The following TTC6 variants were observed in gnomAD, a reference collection of about 807,000 sequenced individuals.
TTC6 encodes the protein tetratricopeptide repeat domain 6.
Under a neutral mutation model 210.4 loss-of-function variants are expected in TTC6, and 172 were observed. That is an observed-to-expected ratio of 0.82 (90% confidence interval 0.72 to 0.93). TTC6 has a LOEUF of 0.93. TTC6 is among the 40% of genes least tolerant of loss of function. TTC6 has a pLI of 0.00. For missense variants in TTC6, 2,414 were observed against 2,318.1 expected (o/e 1.04, Z -0.85); for synonymous variants, 804 against 819.6 (o/e 0.98, Z 0.32).
intron 1 of TTC6, among the ~76,000 whole-genome samples, chr14:37,647,647 G>T (rs947131134): frequency 6.6e-6 from 1 of 152,090 alleles, no homozygotes; most frequent in African/African-American, 2.4e-5. Flanking sequence ...TATCAAATAT[G>T]CAGTCAGTTA....
rs1398082256 is a variant in TTC6, at chr14:37,658,583, G to A, written c.940-21568G>A. ...ACAGTGGAGACTTGGCAGGGTGAGAGGGTTGGCAGGAAATGGAGGATAAGA... is the reference window on the plus strand; with the variant it reads ...ACAGTGGAGACTTGGCAGGGTGAGAAGGTTGGCAGGAAATGGAGGATAAGA... On this transcript the variant is annotated intron_variant, in intron 1 of 30. Coordinates refer to ENST00000553443, the Ensembl canonical transcript of TTC6. Among the ~76,000 whole-genome samples the A allele has an allele frequency of 2.6e-5, 4 of 152,140 alleles. No individual in the cohort carries two copies. The South Asian group carries it at 8.3e-4, about 31-fold the overall frequency.
chr14:37,686,946 C>A (rs1190967333), intron 3 of TTC6, among the ~76,000 whole-genome samples: 1 of 152,096 alleles, frequency 6.6e-6, no homozygotes, highest in Non-Finnish European at 1.5e-5. Context: ...AAAAATTCTA[C>A]TGGTAAGATT....
exon 1 of TTC6, chr14:37,622,571 C>G (rs535345751): frequency 1.3e-6 from 2 of 1,534,092 alleles, no homozygotes; most frequent in African/African-American, 1.4e-5. Flanking sequence ...TCTTGGAGAG[C>G]TCGCGGCACG....
At chr14:37,785,263 C>G (rs1334892146) in intron 14 of TTC6, among the ~76,000 whole-genome samples, 1 of 152,186 alleles carries the variant, frequency 6.6e-6, no homozygotes, top group Admixed American at 6.5e-5. Context: ...GTACACCAAT[C>G]AGACATAGAT....
At chr14:37,631,847 T>C (rs2095670537) in intron 1 of TTC6, among the ~76,000 whole-genome samples, 2 of 152,220 alleles carry the variant, frequency 1.3e-5, no homozygotes, top group African/African-American at 4.8e-5. Flanking sequence ...GTCTTCACGC[T>C]TTATTTCATT....
chr14:37,768,193 G>T (rs1057153434), intron 14 of TTC6, among the ~76,000 whole-genome samples: 42 of 150,718 alleles, frequency 2.8e-4, no homozygotes, highest in Middle Eastern at 6.9e-3. Flanking sequence ...ATGCTGTTTT[G>T]GTTACTGTAG....
intron 3 of TTC6, among the ~76,000 whole-genome samples, chr14:37,686,202 A>G (rs906783247): frequency 6.6e-6 from 1 of 152,106 alleles, no homozygotes; most frequent in African/African-American, 2.4e-5. Context: ...ATATGTCTGT[A>G]TTGTAAAATG....
intron 2 of TTC6, among the ~76,000 whole-genome samples, chr14:37,615,350 T>C (rs2095641003): frequency 6.6e-6 from 1 of 152,090 alleles, no homozygotes; most frequent in South Asian, 2.1e-4. Flanking sequence ...TTGAGACAGA[T>C]TCTCTCTTTG....
intron 1 of TTC6, among the ~76,000 whole-genome samples, chr14:37,637,342 A>G (rs2095682939): frequency 6.6e-6 from 1 of 152,238 alleles, no homozygotes; most frequent in South Asian, 2.1e-4. Flanking sequence ...TTTTTGTTCT[A>G]CAAAAGACCC....
intron 5 of TTC6, among the ~76,000 whole-genome samples, chr14:37,710,292 C>G (rs76511784): frequency 0.017 from 2,537 of 152,194 alleles, 64 homozygotes; most frequent in African/African-American, 0.052. Context: ...GATCCCTTCT[C>G]CATGCTTCAC....
chr14:37,762,168 A>C (rs527474909), intron 14 of TTC6, among the ~76,000 whole-genome samples: 1 of 152,220 alleles, frequency 6.6e-6, no homozygotes, highest in East Asian at 1.9e-4. Flanking sequence ...TTTTTTAAGA[A>C]AAGGCTGAAT....
exon 14 of TTC6, chr14:37,753,171 T>C: frequency 6.5e-7 from 1 of 1,535,558 alleles, no homozygotes; most frequent in South Asian, 1.2e-5. Flanking sequence ...AAATGAAAAC[T>C]GGTTTGCAGC....
chr14:37,627,780 T>A (rs1322372551), intron 1 of TTC6, among the ~76,000 whole-genome samples: 1 of 148,202 alleles, frequency 6.7e-6, no homozygotes, highest in Non-Finnish European at 1.5e-5. Context: ...GCATGTGTCT[T>A]TATAGTAGAA....
rs1371662881 is a variant in TTC6, at chr14:37,730,100, C to T, written c.1818+5098C>T. On this transcript the variant is annotated intron_variant, in intron 7 of 30. Transcript: ENST00000553443. ...AGCTCACCTGACATTTTCATTTCAC[C>T]GGAACTGGCATTGACTCTTTCTTCA... is the stretch of plus-strand genomic sequence containing the variant. 5.9e-5 allele frequency among the ~76,000 whole-genome samples: 9 copies of T among 152,206 alleles called. 1 individual carries two copies. The highest frequency in any genetic ancestry group is 6.8e-3 in the Middle Eastern group (2 of 294).
chr14:37,640,984 A>C (rs1401209569), intron 1 of TTC6, among the ~76,000 whole-genome samples: 1 of 152,216 alleles, frequency 6.6e-6, no homozygotes, highest in African/African-American at 2.4e-5. Flanking sequence ...AACATTGTAG[A>C]TTGTTAGTCT....
chr14:37,752,712 A>G (rs985429497), intron 13 of TTC6, among the ~76,000 whole-genome samples: 5 of 152,090 alleles, frequency 3.3e-5, no homozygotes, highest in Non-Finnish European at 5.9e-5. Flanking sequence ...ATTAATATAT[A>G]TTTTATGTGA....
chr14:37,666,855 G>A (rs191372505), intron 1 of TTC6, among the ~76,000 whole-genome samples: 3 of 149,952 alleles, frequency 2.0e-5, no homozygotes, highest in African/African-American at 7.3e-5. Flanking sequence ...GACTTTGGTG[G>A]GCCTCAAGCA....
At chr14:37,829,546 TA>T (rs938590782) in intron 29 of TTC6, among the ~76,000 whole-genome samples, 2 of 152,054 alleles carry the variant, frequency 1.3e-5, no homozygotes, top group Admixed American at 1.3e-4. Flanking sequence ...AGTAATTTTT[TA>T]AAAAAAGTTT....
At chr14:37,646,456 T>C (rs1048446577) in intron 1 of TTC6, among the ~76,000 whole-genome samples, 9 of 152,084 alleles carry the variant, frequency 5.9e-5, no homozygotes, top group Non-Finnish European at 1.0e-4. Flanking sequence ...ATGATGAGAC[T>C]ATAGGATGGA....
Sources: allele counts gnomAD v4.1 joint callset (sites outside exome capture counted in the v4.1 genomes callset), GRCh38; gene constraint gnomAD v4.1.1; transcripts MANE v1.5; gene names NCBI Gene and HGNC (gene_info 2026-07-23, HGNC 2026-07-21).